PCDH15: variants seen among roughly 807,000 people sequenced by gnomAD.
PCDH15 encodes the protein protocadherin related 15.
A neutral mutation model predicts 178.5 loss-of-function variants in PCDH15; 129 were observed. That is an observed-to-expected ratio of 0.72 (90% CI 0.63 to 0.84). The LOEUF (loss-of-function observed/expected upper bound fraction) is 0.84, where lower values mean the gene tolerates loss of function less well. Ranked by LOEUF, PCDH15 falls within the 40% of genes least tolerant of loss-of-function variation. The pLI, the probability that PCDH15 is intolerant of heterozygous loss-of-function variation, is 0.00. For synonymous variants in PCDH15, 800 were observed against 732.0 expected, an observed-to-expected ratio of 1.09 and a Z score of -1.50; for missense variants, 2,230 against 2,099.9, an observed-to-expected ratio of 1.06 and a Z score of -1.21.
intron 2 of PCDH15, among the ~76,000 whole-genome samples, chr10:55,463,874 A>G (rs1839734179): frequency 9.6e-6 from 1 of 104,118 alleles, no homozygotes; most frequent in Non-Finnish European, 1.9e-5. Flanking sequence ...CGAAAGAAAG[A>G]GAGAGAGAAA....
At chr10:54,641,627 C>A (rs1490229999) in intron 2 of PCDH15, among the ~76,000 whole-genome samples, 1 of 151,704 alleles carries the variant, frequency 6.6e-6, no homozygotes, top group Non-Finnish European at 1.5e-5. Context: ...TATCTGTGTG[C>A]ATGCACATTT....
intron 2 of PCDH15, among the ~76,000 whole-genome samples, chr10:54,655,264 GA>G: frequency 2.3e-5 from 2 of 86,530 alleles, no homozygotes; most frequent in Non-Finnish European, 5.0e-5. Context: ...GAAAGAGAGA[GA>G]GAGAGAGAGA....
intron 22 of PCDH15, among the ~76,000 whole-genome samples, chr10:53,961,342 TA>T (rs1462542732): frequency 6.6e-6 from 1 of 152,012 alleles, no homozygotes; most frequent in Admixed American, 6.6e-5. Context: ...AGCAACTCAG[TA>T]TTATATTAAA....
intron 18 of PCDH15, among the ~76,000 whole-genome samples, chr10:54,058,319 AAG>A (rs1374191799): frequency 4.6e-5 from 7 of 152,222 alleles, no homozygotes; most frequent in African/African-American, 1.7e-4. Flanking sequence ...TCAAGGAAAG[AAG>A]TCTAATTGAC....
chr10:54,762,635 C>T (rs2133160839), intron 1 of PCDH15, among the ~76,000 whole-genome samples: 1 of 152,170 alleles, frequency 6.6e-6, no homozygotes, highest in African/African-American at 2.4e-5. Flanking sequence ...AACCATCTTA[C>T]ATGGTTAAAA....
At chr10:55,571,338 A>G (rs1842404687) in intron 2 of PCDH15, among the ~76,000 whole-genome samples, 1 of 152,106 alleles carries the variant, frequency 6.6e-6, no homozygotes, top group Non-Finnish European at 1.5e-5. Context: ...TTATCTTTAT[A>G]AATTATGCAG....
chr10:54,434,250 A>T (rs7078487), intron 3 of PCDH15, among the ~76,000 whole-genome samples: 4,956 of 152,012 alleles, frequency 0.033, 279 homozygotes, highest in African/African-American at 0.11. Context: ...ACTGAAGAAA[A>T]AATTAATAAA....
At chr10:54,355,806 C>T (rs1243945690) in intron 5 of PCDH15, among the ~76,000 whole-genome samples, 1 of 151,914 alleles carries the variant, frequency 6.6e-6, no homozygotes, top group Non-Finnish European at 1.5e-5. Context: ...CCAAATTCAC[C>T]ATGATTTCAG....
intron 3 of PCDH15, among the ~76,000 whole-genome samples, chr10:54,863,897 T>C (rs893662033): frequency 2.6e-5 from 4 of 152,192 alleles, no homozygotes; most frequent in Admixed American, 1.3e-4. Context: ...AGTTTAATTA[T>C]ATCAAAAATG....
intron 2 of PCDH15, among the ~76,000 whole-genome samples, chr10:55,082,192 T>C (rs12250933): frequency 6.6e-6 from 1 of 152,128 alleles, no homozygotes; most frequent in Non-Finnish European, 1.5e-5. Flanking sequence ...AACAGGTCTT[T>C]AAAAATTCAA....
At chr10:55,117,471 G>C (rs1247051733) in intron 2 of PCDH15, among the ~76,000 whole-genome samples, 2 of 152,184 alleles carry the variant, frequency 1.3e-5, no homozygotes, top group Admixed American at 6.5e-5. Context: ...ACAAGATACT[G>C]TGGGCTTGAG....
chr10:54,061,577 A>G (rs907953043), intron 18 of PCDH15, among the ~76,000 whole-genome samples: 5 of 151,960 alleles, frequency 3.3e-5, no homozygotes, highest in African/African-American at 1.2e-4. Flanking sequence ...GAAAAGAACC[A>G]AGAATAATCT....
chr10:55,434,077 CTTTT>C (rs60921527), intron 2 of PCDH15, among the ~76,000 whole-genome samples: 15 of 90,814 alleles, frequency 1.7e-4, no homozygotes, highest in African/African-American at 4.9e-4. Context: ...CTTTTCTTTT[CTTTT>C]TTTTTTTTTT....
At chr10:54,237,595 C>A (rs1209146302) in intron 8 of PCDH15, among the ~76,000 whole-genome samples, 2 of 152,136 alleles carry the variant, frequency 1.3e-5, no homozygotes, top group Non-Finnish European at 2.9e-5. Flanking sequence ...CTGTAAAGAA[C>A]CAGATAATAA....
intron 1 of PCDH15, among the ~76,000 whole-genome samples, chr10:55,233,882 G>A (rs998591860): frequency 6.6e-6 from 1 of 151,978 alleles, no homozygotes; most frequent in Non-Finnish European, 1.5e-5. Context: ...TATCCACAAT[G>A]AGACCACCCC....
chr10:53,968,393 C>T (rs1377005643), intron 21 of PCDH15, among the ~76,000 whole-genome samples: 1 of 152,182 alleles, frequency 6.6e-6, no homozygotes, highest in East Asian at 1.9e-4. Flanking sequence ...CTCAAGGAGG[C>T]CTGCCTGCCT....
At chr10:55,249,847 G>A (rs899826746) in intron 1 of PCDH15, among the ~76,000 whole-genome samples, 6 of 151,490 alleles carry the variant, frequency 4.0e-5, no homozygotes, top group Non-Finnish European at 7.4e-5. Context: ...GTTTTTTCTG[G>A]TTTATTCATA....
At chr10:54,155,591 C>T (rs553820904) in intron 13 of PCDH15, among the ~76,000 whole-genome samples, 30 of 151,888 alleles carry the variant, frequency 2.0e-4, no homozygotes, top group Non-Finnish European at 3.5e-4. Context: ...CGTAGTCCAC[C>T]GTCAGAAAAA....
chr10:54,354,175 T>C (rs1347847749), intron 5 of PCDH15, among the ~76,000 whole-genome samples: 1 of 152,018 alleles, frequency 6.6e-6, no homozygotes, highest in South Asian at 2.1e-4. Flanking sequence ...AGTAGAGACG[T>C]GGTTTCTCCA....
Sources: allele counts gnomAD v4.1 joint callset (sites outside exome capture counted in the v4.1 genomes callset), GRCh38; gene constraint gnomAD v4.1.1; transcripts MANE v1.5; gene names NCBI Gene and HGNC (gene_info 2026-07-23, HGNC 2026-07-21).